FKBP14: variants seen among roughly 807,000 people sequenced by gnomAD.
The protein encoded by FKBP14 is peptidyl-prolyl cis-trans isomerase FKBP14.
FKBP14 carries 20 observed loss-of-function variants against 21.6 expected under a neutral mutation model. The ratio of observed to expected loss-of-function variants is 0.92; its 90% CI spans 0.65 to 1.34. The LOEUF (loss-of-function observed/expected upper bound fraction) is 1.34, where lower values mean the gene tolerates loss of function less well. Among genes scored for constraint, FKBP14 ranks in the 40% most tolerant of loss-of-function variants. The pLI, the probability that FKBP14 is intolerant of heterozygous loss-of-function variation, is 0.00. For synonymous variants in FKBP14, 79 were observed against 86.7 expected (o/e 0.91, Z 0.49); for missense variants, 253 against 249.0 (o/e 1.02, Z -0.11).
At position 30,013,294 on chromosome 7, in the gene FKBP14, G is replaced by C. The variant is rs1220071041; in HGVS notation, c.*1441C>G. ...AGATGGAGTCTTGCTCTGTCACCCAGGCTGGAGTGCAGTGGCACAATCTTG... is the reference window on the plus strand; with the variant it reads ...AGATGGAGTCTTGCTCTGTCACCCACGCTGGAGTGCAGTGGCACAATCTTG... On this transcript the variant is annotated 3_prime_UTR_variant, in exon 4 of 4. Coordinates refer to ENST00000222803, the MANE Select transcript of FKBP14 (RefSeq NM_017946.4). 4 of 150,462 alleles carry C rather than the reference G, an allele frequency of 2.7e-5. No homozygotes were observed. The highest frequency in any genetic ancestry group is 9.8e-5 in the African/African-American group (4 of 40,862). 9.3% of individuals were successfully genotyped at this position (150,462 alleles called of 1,614,324 possible).
At chr7:30,009,145 G>A (rs1043451959), downstream of FKBP14, among the ~76,000 whole-genome samples, 1 of 151,774 alleles carries the variant, frequency 6.6e-6, no homozygotes, top group African/African-American at 2.4e-5. Flanking sequence ...CTCTGGAAAA[G>A]AAGTTCTTTT....
chr7:30,020,253 T>C, intron 2 of FKBP14: 1 of 1,274,214 alleles, frequency 7.8e-7, no homozygotes, highest in Non-Finnish European at 1.0e-6. Flanking sequence ...CGCTAGGTTG[T>C]TGATAAAACT....
Position 30,026,543 on chromosome 7 carries a change from C to A in FKBP14, c.-35G>T. The A allele has an allele frequency of 6.4e-7, 1 of 1,574,490 alleles. No homozygotes were observed. The highest frequency in any genetic ancestry group is 8.6e-7 in the Non-Finnish European group (1 of 1,160,242). On this transcript the variant is annotated 5_prime_UTR_variant, in exon 1 of 4. Coordinates refer to ENST00000222803, the MANE Select transcript of FKBP14 (RefSeq NM_017946.4). ...GCAAGGAAAGAAGTCCCTACAAAAGCAGCGAAAGGTCCCTCGACTTCATAG... is the reference window on the plus strand; with the variant it reads ...GCAAGGAAAGAAGTCCCTACAAAAGAAGCGAAAGGTCCCTCGACTTCATAG...
intron 3 of FKBP14, among the ~76,000 whole-genome samples, chr7:30,016,297 C>T (rs539454933): frequency 1.3e-5 from 2 of 152,270 alleles, no homozygotes; most frequent in South Asian, 4.1e-4. Context: ...TGGTTATGAT[C>T]ATGTGATTAG....
chr7:30,023,855 G>C (rs1790100204), intron 1 of FKBP14, among the ~76,000 whole-genome samples: 3 of 152,106 alleles, frequency 2.0e-5, no homozygotes, highest in African/African-American at 7.2e-5. Flanking sequence ...CTCATGATTC[G>C]ATTACCTCCC....
rs1440424356 is a variant in FKBP14 at position 30,011,625 on chromosome 7, TG to T, written c.*3109del. The T allele has an allele frequency of 2.8e-5, 4 of 144,346 alleles. No individual in the cohort carries two copies. The highest frequency in any genetic ancestry group is 4.5e-5 in the Non-Finnish European group (3 of 66,204). The allele number at this position is 144,346 out of a possible 1,614,324, so 8.9% of individuals were successfully genotyped here. A position where few individuals can be genotyped will look rare whatever the true frequency, so the allele number is the denominator to read the frequency against. Reference sequence around the variant, plus strand: ...ATATATATATATTTTTTTTTTTAGATGGGGAGTCACTCTGTCACCCAGGCTG... The same window carrying T: ...ATATATATATATTTTTTTTTTTAGATGGGAGTCACTCTGTCACCCAGGCTG... On this transcript the variant is annotated 3_prime_UTR_variant, in exon 4 of 4. Transcript: ENST00000222803.
intron 1 of FKBP14, among the ~76,000 whole-genome samples, chr7:30,024,961 G>A (rs80267286): frequency 0.014 from 2,067 of 152,248 alleles, 49 homozygotes; most frequent in African/African-American, 0.047. Context: ...ATCCACCGTG[G>A]CACTCACCTA....
At chr7:30,021,390 T>C (rs2127949023) in intron 2 of FKBP14, among the ~76,000 whole-genome samples, 1 of 152,320 alleles carries the variant, frequency 6.6e-6, no homozygotes, top group South Asian at 2.1e-4. Context: ...TGGGCCATAT[T>C]TTATTTAGCT....
chr7:30,016,014 ATCC>A (rs1789875772), intron 3 of FKBP14, among the ~76,000 whole-genome samples: 1 of 152,134 alleles, frequency 6.6e-6, no homozygotes, highest in South Asian at 2.1e-4. Context: ...GGCTCAAGCA[ATCC>A]TCCTACCTCA....
chr7:30,020,228 C>T, intron 2 of FKBP14: 1 of 1,253,250 alleles, frequency 8.0e-7, no homozygotes, highest in Non-Finnish European at 1.0e-6. Flanking sequence ...CAGATCTAGA[C>T]AGAGATGTGA....
intron 3 of FKBP14, 73 bp downstream of exon 3, chr7:30,018,923 A>AAAAAC (rs745562880): frequency 1.4e-4 from 213 of 1,527,832 alleles, no homozygotes; most frequent in Admixed American, 3.8e-4. Context: ...AGTGAGTTAC[A>AAAAAC]AAAACAAAAC....
chr7:30,014,894 C>G lies in FKBP14; in HGVS notation c.478-1G>C. ...ACTCCTTCTTTAAATATGCTTTAACCTACAAAATAACAGATCCCATTAATA... is the reference window on the plus strand; with the variant it reads ...ACTCCTTCTTTAAATATGCTTTAACGTACAAAATAACAGATCCCATTAATA... On this transcript the variant is annotated splice_acceptor_variant, in intron 3 of 3. Transcript: ENST00000222803. LOFTEE classifies it high-confidence loss of function. 1 of 1,574,492 alleles carries G rather than the reference C, an allele frequency of 6.4e-7. No homozygotes were observed. Among genetic ancestry groups the G allele is most frequent in the African/African-American group, 1.4e-5 (1 of 73,418 alleles).
downstream of FKBP14, among the ~76,000 whole-genome samples, chr7:30,010,360 G>A (rs1789692641): frequency 6.6e-6 from 1 of 152,136 alleles, no homozygotes; most frequent in Non-Finnish European, 1.5e-5. Context: ...TCATGCTAAA[G>A]GTCAAGACTT....
rs1017847892 is a variant in FKBP14 at position 30,026,596 on chromosome 7, G to A, written c.-88C>T. On this transcript the variant is annotated 5_prime_UTR_variant, in exon 1 of 4. Transcript: ENST00000222803. ...TTAAGAACGTAGTTCAAGGCTTACG[G>A]ACAAGGGCTTCAGACAAGTTCAGGA... 7.9e-7 allele frequency: 1 copy of A among 1,269,386 alleles called. No homozygotes were observed. Among genetic ancestry groups the A allele is most frequent in the African/African-American group, 1.5e-5 (1 of 66,618 alleles). 78.6% of individuals were successfully genotyped at this position (1,269,386 alleles called of 1,614,324 possible).
At chr7:30,017,597 T>TA (rs1354238566) in intron 3 of FKBP14, among the ~76,000 whole-genome samples, 1 of 150,118 alleles carries the variant, frequency 6.7e-6, no homozygotes, top group Non-Finnish European at 1.5e-5. Flanking sequence ...ATAATAGAGA[T>TA]AAAGTCTTCC....
At chr7:30,020,115 A>G (rs1789991017) in intron 2 of FKBP14, 1 of 512,944 alleles carries the variant, frequency 1.9e-6, no homozygotes, top group Non-Finnish European at 2.8e-6. Context: ...TAAACATGTT[A>G]AATATTTCTT....
chr7:30,010,655 C>T lies in FKBP14; in HGVS notation c.*4080G>A, dbSNP rs902451421. On this transcript the variant is annotated 3_prime_UTR_variant, in exon 4 of 4. Transcript: ENST00000222803. ...TAGTCATGTAAATTTAAATATGGCA[C>T]ACTGAGCAGTATTGACGCAAATTAT... 2.6e-5 allele frequency: 4 copies of T among 152,132 alleles called. No individual in the cohort carries two copies. The East Asian group carries it at 5.8e-4, about 22-fold the overall frequency. 9.4% of individuals were successfully genotyped at this position (152,132 alleles called of 1,614,324 possible). A position where few individuals can be genotyped will look rare whatever the true frequency, so the allele number is the denominator to read the frequency against.
chr7:30,007,303 G>C (rs576860223), downstream of FKBP14, among the ~76,000 whole-genome samples: 483 of 149,696 alleles, frequency 3.2e-3, 4 homozygotes, highest in African/African-American at 0.011. Flanking sequence ...TCCACCTCCT[G>C]AATTCAAGCA....
At chr7:30,022,049 T>C (rs1187526793) in intron 2 of FKBP14, among the ~76,000 whole-genome samples, 7 of 152,218 alleles carry the variant, frequency 4.6e-5, no homozygotes, top group Non-Finnish European at 2.9e-5. Context: ...TTTAAATACA[T>C]TGTTAAAAAC....
Sources: gnomAD v4.1 joint callset for allele counts (sites outside exome capture counted in the v4.1 genomes callset) on GRCh38, gnomAD v4.1.1 for gene constraint, MANE v1.5 for transcripts, NCBI Gene and HGNC (gene_info 2026-07-23, HGNC 2026-07-21) for gene names.